PKHD1L1: variants seen among roughly 807,000 people sequenced by gnomAD.
PKHD1L1 encodes the protein PKHD1 like 1.
Under a neutral mutation model 462.9 loss-of-function variants are expected in PKHD1L1, and 434 were observed. The ratio of observed to expected loss-of-function variants is 0.94; its 90% CI spans 0.87 to 1.02. The LOEUF (loss-of-function observed/expected upper bound fraction) is 1.02. Ranked by LOEUF, PKHD1L1 falls within the 50% of genes least tolerant of loss-of-function variation. The probability of loss-of-function intolerance (pLI) is 0.00; values close to 1 mark genes in which losing one functional copy is unlikely to be tolerated. For synonymous variants in PKHD1L1, 1,781 were observed against 1,750.0 expected (o/e 1.02, Z -0.44); for missense variants, 5,202 against 5,096.1 (o/e 1.02, Z -0.63).
At chr8:109,477,581 T>TA (rs1186777250) in intron 53 of PKHD1L1, among the ~76,000 whole-genome samples, 185 bp downstream of exon 53, 2 of 152,280 alleles carry the variant, frequency 1.3e-5, no homozygotes, top group African/African-American at 4.8e-5. Flanking sequence ...GAAAATGTCT[T>TA]AAAAAAATTA....
intron 62 of PKHD1L1, among the ~76,000 whole-genome samples, chr8:109,492,771 AT>A (rs1369139498): frequency 6.6e-6 from 1 of 151,908 alleles, no homozygotes; most frequent in Non-Finnish European, 1.5e-5. Context: ...TTTTATCAAA[AT>A]ATTTAAAAAT....
Position 109,473,229 on chromosome 8 carries a change from A to C in PKHD1L1, c.8606-1889A>C, listed in dbSNP as rs531953652. Among the ~76,000 whole-genome samples, 6 of 152,244 alleles carry C rather than the reference A, an allele frequency of 3.9e-5. No individual in the cohort carries two copies. In the South Asian group the frequency reaches 1.2e-3, roughly 32 times the overall value. On this transcript the variant is annotated intron_variant, in intron 50 of 77. Transcript: ENST00000378402. The stretch of plus-strand genomic sequence containing the variant: ...CCCAAGCATCAGAAAACTTCACTGG[A>C]GGCTGGGTGCGGTGGCTCATGCCTG...
chr8:109,480,015 A>G lies in PKHD1L1; in HGVS notation c.9203A>G (p.Asp3068Gly), dbSNP rs201285415. 2.5e-6 allele frequency: 4 copies of G among 1,590,266 alleles called. No individual in the cohort carries two copies. The South Asian group carries it at 4.7e-5, about 19-fold the overall frequency. ...GGAACATGGATTGTAGCTGACATAG[A>G]TATGCCATCAATGGAAAGACTCATT... Reference protein sequence around the residue: ...PEGTWIVADIDMPSMERLIIW... With the variant: ...PEGTWIVADIGMPSMERLIIW... The change falls in exon 55 of 78, where the codon GAT becomes GGT. Residue 3068 changes from aspartate (D) to glycine (G), a missense_variant. Around this residue, in one of 3 missense-constraint regions of PKHD1L1, gnomAD observed 4,497 missense variants for 4,336.8 expected, o/e 1.04. Coordinates refer to ENST00000378402, the MANE Select transcript of PKHD1L1 (RefSeq NM_177531.6).
chr8:109,401,508 A>G lies in PKHD1L1; in HGVS notation c.1293A>G (p.Ala431=). 3.8e-6 allele frequency: 6 copies of G among 1,572,184 alleles called. No homozygotes were observed. Among genetic ancestry groups the G allele is most frequent in the Non-Finnish European group, 5.2e-6 (6 of 1,143,760 alleles). ...TGLPEDKVRI[A]YHSANANSYF... ...CTCTCTCGGATTAGGTGAGGATTGCATATCATTCTGCTAATGCCAACAGTT... is the reference window on the plus strand; with the variant it reads ...CTCTCTCGGATTAGGTGAGGATTGCGTATCATTCTGCTAATGCCAACAGTT... Residue 431 remains alanine, a synonymous_variant, in exon 14 of 78, where the codon GCA becomes GCG. Transcript: ENST00000378402.
Position 109,461,880 on chromosome 8 carries a change from T to C in PKHD1L1, c.7355T>C (p.Met2452Thr), listed in dbSNP as rs568331652. ...MFHAPVPGAN[M>T]VTGRIEYVEV... is the part of the protein sequence containing the mutation. ...CATGCTCCTGTACCTGGTGCTAACA[T>C]GGTAACTGGGAGAATAGAATATGTA... The change falls in exon 48 of 78, where the codon ATG becomes ACG. Residue 2452 changes from methionine to threonine, a missense_variant. Met to Thr is a moderately conservative substitution (Grantham distance 81). Transcript: ENST00000378402. 1.1e-5 allele frequency: 17 copies of C among 1,604,036 alleles called. No individual in the cohort carries two copies. In the South Asian group the frequency reaches 1.2e-4, roughly 12 times the overall value.
chr8:109,533,002 T>C lies in PKHD1L1; in HGVS notation c.*2912T>C, dbSNP rs1301654896. Among the ~76,000 whole-genome samples, 4 of 152,258 alleles carry C rather than the reference T, an allele frequency of 2.6e-5. No individual in the cohort carries two copies. On this transcript the variant is annotated 3_prime_UTR_variant, in exon 78 of 78. Transcript: ENST00000378402. ...TATTCCCTTCTCCAAATGAGGAAACTTGAAATGTTGAAGGGTTAGGTTAAA... is the reference window on the plus strand; with the variant it reads ...TATTCCCTTCTCCAAATGAGGAAACCTGAAATGTTGAAGGGTTAGGTTAAA...
At chr8:109,424,106 CTCT>C (rs1814616017) in intron 23 of PKHD1L1, among the ~76,000 whole-genome samples, 2 of 152,210 alleles carry the variant, frequency 1.3e-5, no homozygotes, top group South Asian at 4.1e-4. Context: ...CCTTGAACCG[CTCT>C]TCTTTCTTAA....
Position 109,385,578 on chromosome 8 carries a change from T to C in PKHD1L1, c.517T>C (p.Tyr173His), listed in dbSNP as rs1812397750. 1 of 1,607,134 alleles carries C rather than the reference T, an allele frequency of 6.2e-7. No individual in the cohort carries two copies. ...TIQGRIFTDV[Y>H]GSNIALSSNG... ...CCAAGGCAGAATCTTCACTGATGTC[T>C]ATGGAAGTAATATTGCACTAAGCTC... is the stretch of plus-strand genomic sequence containing the variant. The change falls in exon 6 of 78, where the codon TAT becomes CAT. Residue 173 changes from tyrosine (Y) to histidine (H), a missense_variant. This residue lies in a region of PKHD1L1 where 4,497 missense variants were observed against 4,336.8 expected (regional missense o/e 1.04). Transcript: ENST00000378402.
At chr8:109,459,134 T>C (rs372692054) in intron 46 of PKHD1L1, among the ~76,000 whole-genome samples, 31 of 152,206 alleles carry the variant, frequency 2.0e-4, no homozygotes, top group African/African-American at 7.5e-4. Context: ...ATAATCTTTG[T>C]TATGTTGGGG....
intron 21 of PKHD1L1, among the ~76,000 whole-genome samples, chr8:109,415,002 TTATTATTA>T (rs1423990216): frequency 2.3e-5 from 3 of 130,402 alleles, no homozygotes; most frequent in East Asian, 2.0e-4. Flanking sequence ...ATTATTATTA[TTATTATTA>T]TTTTTGAGAC....
At position 109,364,643 on chromosome 8, in the gene PKHD1L1, TTGC is replaced by T; in HGVS notation, c.163+9_163+11del. ...CTGACTATAAGAGGGGAAGGTATCG[TTGC>T]TTTTTTTTTTTTTTTTTTGCCAAGG... On this transcript the variant is annotated splice_region_variant and intron_variant, in intron 2 of 77. Coordinates refer to ENST00000378402, the MANE Select transcript of PKHD1L1 (RefSeq NM_177531.6). The T allele has an allele frequency of 1.4e-6, 2 of 1,431,314 alleles. No homozygotes were observed. Among genetic ancestry groups the T allele is most frequent in the African/African-American group, 1.6e-5 (1 of 63,078 alleles). The allele number at this position is 1,431,314 out of a possible 1,614,324, so 88.7% of individuals were successfully genotyped here.
intron 71 of PKHD1L1, among the ~76,000 whole-genome samples, chr8:109,511,254 C>T (rs577054023): frequency 2.0e-5 from 3 of 152,052 alleles, no homozygotes; most frequent in East Asian, 3.9e-4. Flanking sequence ...GTAGGCCAGT[C>T]ACACATGTAT....
chr8:109,485,185 C>T lies in PKHD1L1; in HGVS notation c.9706+12C>T. 6.5e-7 allele frequency: 1 copy of T among 1,536,522 alleles called. No homozygotes were observed. Among genetic ancestry groups the T allele is most frequent in the Non-Finnish European group, 8.8e-7 (1 of 1,135,050 alleles). ...CTATACTCACTTTGGTAAGTGGATGCTTTTTAACCAAATAGATATATAATT... is the reference window on the plus strand; with the variant it reads ...CTATACTCACTTTGGTAAGTGGATGTTTTTTAACCAAATAGATATATAATT... On this transcript the variant is annotated intron_variant, in intron 58 of 77. Transcript: ENST00000378402.
At chr8:109,371,556 G>A (rs1230118622) in intron 2 of PKHD1L1, among the ~76,000 whole-genome samples, 2 of 148,962 alleles carry the variant, frequency 1.3e-5, no homozygotes, top group South Asian at 4.4e-4. Context: ...TGCTTTTGGT[G>A]TTTTAGACAT....
intron 69 of PKHD1L1, 68 bp from the exon 70 acceptor site, chr8:109,508,029 A>T (rs1479872538): frequency 3.3e-6 from 5 of 1,496,038 alleles, no homozygotes; most frequent in Non-Finnish European, 3.6e-6. Flanking sequence ...CAAGAAATAG[A>T]TGTTATAAGG....
chr8:109,383,639 C>T (rs985167708), intron 4 of PKHD1L1, among the ~76,000 whole-genome samples: 1 of 150,902 alleles, frequency 6.6e-6, no homozygotes, highest in African/African-American at 2.4e-5. Flanking sequence ...AATATATTGC[C>T]AAATACGATT....
Position 109,531,551 on chromosome 8 carries a change from G to C in PKHD1L1, c.*1461G>C, listed in dbSNP as rs1287394422. Among the ~76,000 whole-genome samples the C allele has an allele frequency of 2.6e-5, 4 of 152,080 alleles. No homozygotes were observed. Among genetic ancestry groups the C allele is most frequent in the African/African-American group, 9.7e-5 (4 of 41,412 alleles). Reference sequence around the variant, plus strand: ...GTTGCTAGCAATATGGAGGCCTTAAGCCTTGTTCAGGAGGGCTACCTAGAA... The same window carrying C: ...GTTGCTAGCAATATGGAGGCCTTAACCCTTGTTCAGGAGGGCTACCTAGAA... On this transcript the variant is annotated 3_prime_UTR_variant, in exon 78 of 78. Coordinates refer to ENST00000378402, the MANE Select transcript of PKHD1L1 (RefSeq NM_177531.6).
chr8:109,505,720 G>C (rs1046028804), intron 68 of PKHD1L1, among the ~76,000 whole-genome samples: 4 of 151,440 alleles, frequency 2.6e-5, no homozygotes, highest in Admixed American at 6.6e-5. Context: ...GCAACATAGG[G>C]AGATACCATC....
intron 1 of PKHD1L1, among the ~76,000 whole-genome samples, chr8:109,364,128 C>T (rs1458538774): frequency 6.6e-6 from 1 of 152,322 alleles, no homozygotes; most frequent in East Asian, 1.9e-4. Context: ...GTCTTTCAAA[C>T]TACCTAGCAT....
Sources: gnomAD v4.1 joint callset for allele counts (sites outside exome capture counted in the v4.1 genomes callset) on GRCh38, gnomAD v4.1.1 for gene constraint, gnomAD v4.1.1 regional missense constraint, MANE v1.5 for transcripts, NCBI Gene and HGNC (gene_info 2026-07-23, HGNC 2026-07-21) for gene names.